SLC8A1: variants seen among roughly 807,000 people sequenced by gnomAD.
SLC8A1 encodes sodium/calcium exchanger 1.
SLC8A1 carries 18 observed loss-of-function variants against 68.3 expected under a neutral mutation model. That is an observed-to-expected ratio of 0.26 (90% CI 0.18 to 0.39). SLC8A1 has a LOEUF of 0.39. SLC8A1 is among the 10% of genes least tolerant of loss of function. The pLI, the probability that SLC8A1 is intolerant of heterozygous loss-of-function variation, is 1.00. For synonymous variants in SLC8A1, 475 were observed against 415.5 expected, an observed-to-expected ratio of 1.14 and a Z score of -1.74; for missense variants, 985 against 1,156.7, an observed-to-expected ratio of 0.85 and a Z score of 2.15.
exon 8 of SLC8A1, chr2:40,101,210 T>C (rs1220268509): frequency 1.3e-5 from 2 of 152,148 alleles, no homozygotes; most frequent in African/African-American, 4.8e-5. Context: ...TCCAGGGAAC[T>C]CCAGCTACTG....
chr2:40,396,216 A>G (rs749603540), intron 2 of SLC8A1, among the ~76,000 whole-genome samples: 1 of 152,158 alleles, frequency 6.6e-6, no homozygotes, highest in Non-Finnish European at 1.5e-5. Flanking sequence ...GCAAATATGC[A>G]TTCAATTGTA....
intron 2 of SLC8A1, among the ~76,000 whole-genome samples, chr2:40,337,878 A>G (rs1666484728): frequency 6.6e-6 from 1 of 152,150 alleles, no homozygotes; most frequent in Admixed American, 6.6e-5. Flanking sequence ...ACTATTTAAT[A>G]ATACTAAATC....
intron 1 of SLC8A1, among the ~76,000 whole-genome samples, 172 bp downstream of exon 1, chr2:40,451,732 C>CATCACACACA (rs1195159597): frequency 7.3e-5 from 10 of 136,470 alleles, no homozygotes; most frequent in African/African-American, 2.8e-4. Context: ...CGCGCACACA[C>CATCACACACA]CACATCACAC....
chr2:40,437,468 A>G (rs774084928), intron 1 of SLC8A1, among the ~76,000 whole-genome samples: 1 of 152,154 alleles, frequency 6.6e-6, no homozygotes, highest in Non-Finnish European at 1.5e-5. Context: ...GAGGTCTGAA[A>G]TCACTCCAAA....
At chr2:40,323,007 A>G (rs1281264827) in intron 2 of SLC8A1, among the ~76,000 whole-genome samples, 2 of 152,186 alleles carry the variant, frequency 1.3e-5, no homozygotes, top group African/African-American at 4.8e-5. Flanking sequence ...ATTTTAGTTC[A>G]ATAATTTTTA....
chr2:40,500,149 C>T (rs1705964990), intron 1 of SLC8A1, among the ~76,000 whole-genome samples: 1 of 151,848 alleles, frequency 6.6e-6, no homozygotes, highest in Non-Finnish European at 1.5e-5. Flanking sequence ...AACAAACAAA[C>T]AACAACAACA....
intron 2 of SLC8A1, among the ~76,000 whole-genome samples, chr2:40,232,188 C>A (rs1367193841): frequency 6.6e-6 from 1 of 151,990 alleles, no homozygotes; most frequent in African/African-American, 2.4e-5. Context: ...TTAGGAGACC[C>A]TGAACATTTC....
intron 2 of SLC8A1, among the ~76,000 whole-genome samples, chr2:40,413,459 T>A (rs552211089): frequency 3.9e-5 from 6 of 152,326 alleles, no homozygotes; most frequent in African/African-American, 1.4e-4. Flanking sequence ...TGTAGGGACA[T>A]GGATGAAGCT....
intron 1 of SLC8A1, among the ~76,000 whole-genome samples, chr2:40,430,853 C>T (rs571555924): frequency 1.0e-3 from 156 of 152,214 alleles, no homozygotes; most frequent in African/African-American, 3.5e-3. Flanking sequence ...TTATCTTAAA[C>T]GCCAGAGAGC....
At chr2:40,165,212 A>G (rs573879175) in intron 4 of SLC8A1, among the ~76,000 whole-genome samples, 1 of 152,358 alleles carries the variant, frequency 6.6e-6, no homozygotes, top group African/African-American at 2.4e-5. Context: ...AAGCTCATGC[A>G]AAAGTTCAGT....
At chr2:40,503,325 C>T (rs758234751) in intron 1 of SLC8A1, among the ~76,000 whole-genome samples, 2 of 152,010 alleles carry the variant, frequency 1.3e-5, no homozygotes, top group African/African-American at 2.4e-5. Context: ...TGCTTTGCAA[C>T]GGCCTGTTTT....
At chr2:40,474,498 C>A (rs974438786) in intron 1 of SLC8A1, among the ~76,000 whole-genome samples, 3 of 152,074 alleles carry the variant, frequency 2.0e-5, no homozygotes, top group African/African-American at 7.2e-5. Flanking sequence ...GTCAGCTTCC[C>A]CTTTTAATGT....
chr2:40,262,259 C>G (rs2064815606), intron 2 of SLC8A1, among the ~76,000 whole-genome samples: 1 of 152,172 alleles, frequency 6.6e-6, no homozygotes, highest in Admixed American at 6.5e-5. Flanking sequence ...CCGCACCCGG[C>G]CCTCTCTTCA....
chr2:40,496,793 A>G (rs1358495163), intron 1 of SLC8A1, among the ~76,000 whole-genome samples: 1 of 151,826 alleles, frequency 6.6e-6, no homozygotes, highest in Admixed American at 6.6e-5. Context: ...ATGATTTCCA[A>G]TTTCATCATT....
chr2:40,302,175 G>A (rs1390230691), intron 2 of SLC8A1, among the ~76,000 whole-genome samples: 3 of 151,724 alleles, frequency 2.0e-5, no homozygotes, highest in African/African-American at 7.3e-5. Flanking sequence ...GGGATTACAG[G>A]TGTGAGCCAC....
Position 40,479,070 on chromosome 2 carries a change from C to A in SLC8A1, c.-25+33279G>T, listed in dbSNP as rs538966881. ...TACAGGCGTGAGCCACCACGCCCGG[C>A]CTCAACCACCTAATTTTAAACTTCA... On this transcript the variant is annotated intron_variant, in intron 1 of 7. Coordinates refer to the SLC8A1 transcript ENST00000402441. Among the ~76,000 whole-genome samples, 28 of 152,288 alleles carry A rather than the reference C, an allele frequency of 1.8e-4. No homozygotes were observed. The South Asian group carries it at 5.0e-3, about 27-fold the overall frequency.
chr2:40,178,547 G>A, intron 2 of SLC8A1, 54 bp from the exon 3 acceptor site: 2 of 1,457,548 alleles, frequency 1.4e-6, no homozygotes, highest in South Asian at 1.2e-5. Flanking sequence ...GAGAAGAGAA[G>A]GAACATAGAG....
intron 1 of SLC8A1, among the ~76,000 whole-genome samples, chr2:40,492,938 C>G (rs1268696530): frequency 6.6e-6 from 1 of 151,948 alleles, no homozygotes; most frequent in African/African-American, 2.4e-5. Flanking sequence ...TCAGTGTGGC[C>G]ATTCCTCAGG....
chr2:40,485,975 T>A (rs1381498681), intron 1 of SLC8A1, among the ~76,000 whole-genome samples: 1 of 152,224 alleles, frequency 6.6e-6, no homozygotes, highest in Non-Finnish European at 1.5e-5. Context: ...CCCACTCAAA[T>A]GTCATCTTGA....
Sources: allele counts gnomAD v4.1 joint callset (sites outside exome capture counted in the v4.1 genomes callset), GRCh38; gene constraint gnomAD v4.1.1; transcripts MANE v1.5; gene names NCBI Gene and HGNC (gene_info 2026-07-23, HGNC 2026-07-21).